PAX7: variants seen among roughly 807,000 people sequenced by gnomAD.
The protein encoded by PAX7 is paired box 7.
In PAX7, 18 loss-of-function variants were observed where a neutral mutation model predicts 50.7. That is an observed-to-expected ratio of 0.36 (90% confidence interval 0.25 to 0.53). The LOEUF (loss-of-function observed/expected upper bound fraction) is 0.53. Ranked by LOEUF, PAX7 falls within the 20% of genes least tolerant of loss-of-function variation. The pLI, the probability that PAX7 is intolerant of heterozygous loss-of-function variation, is 0.93. For missense variants in PAX7, 644 were observed against 702.9 expected (o/e 0.92, Z 0.95); for synonymous variants, 310 against 290.4 (o/e 1.07, Z -0.69).
intron 4 of PAX7, among the ~76,000 whole-genome samples, chr1:18,660,269 G>A (rs2088581648): frequency 6.6e-6 from 1 of 152,096 alleles, no homozygotes; most frequent in South Asian, 2.1e-4. Flanking sequence ...CCCTACCTGT[G>A]GAAGACAGGT....
rs143866115 is a variant in PAX7, at chr1:18,663,239, C to T, written c.586+26868C>T. Among the ~76,000 whole-genome samples, 30 of 152,312 alleles carry T rather than the reference C, an allele frequency of 2.0e-4. No individual in the cohort carries two copies. The East Asian group carries it at 5.8e-3, about 29-fold the overall frequency. ...AACCTGATGGTAGCTGAGCCCTGGG[C>T]TCATCACTTCCACCTGTTAACTGAG... On this transcript the variant is annotated intron_variant, in intron 4 of 8. Transcript: ENST00000420770.
At chr1:18,697,053 A>G (rs997214500) in intron 5 of PAX7, among the ~76,000 whole-genome samples, 5 of 152,126 alleles carry the variant, frequency 3.3e-5, no homozygotes, top group African/African-American at 1.2e-4. Context: ...ACAAAAACTA[A>G]AACTTAAAAA....
chr1:18,689,318 C>T (rs1268032067), intron 4 of PAX7, among the ~76,000 whole-genome samples: 1 of 152,202 alleles, frequency 6.6e-6, no homozygotes, highest in Non-Finnish European at 1.5e-5. Context: ...GCTCTGAGCC[C>T]CAGAAATGGT....
At chr1:18,642,441 G>C (rs2088270419) in intron 4 of PAX7, among the ~76,000 whole-genome samples, 1 of 152,186 alleles carries the variant, frequency 6.6e-6, no homozygotes, top group South Asian at 2.1e-4. Flanking sequence ...CCAAAGAAAG[G>C]TTCTCTAGAG....
chr1:18,724,649 A>G (rs1309231288), intron 7 of PAX7, among the ~76,000 whole-genome samples: 2 of 152,150 alleles, frequency 1.3e-5, no homozygotes, highest in Non-Finnish European at 2.9e-5. Flanking sequence ...TGCTAGAAAC[A>G]GAACCGACTC....
chr1:18,678,435 A>G (rs1397959629), intron 4 of PAX7, among the ~76,000 whole-genome samples: 5 of 152,150 alleles, frequency 3.3e-5, no homozygotes, highest in African/African-American at 1.2e-4. Context: ...AATGATAGGA[A>G]CTACAGAGCT....
At chr1:18,663,084 T>C (rs147075214) in intron 4 of PAX7, among the ~76,000 whole-genome samples, 27 of 152,280 alleles carry the variant, frequency 1.8e-4, no homozygotes, top group African/African-American at 6.0e-4. Flanking sequence ...TTTGACAAAG[T>C]GGGATTGTGC....
intron 4 of PAX7, among the ~76,000 whole-genome samples, chr1:18,645,925 G>A (rs934189001): frequency 6.6e-6 from 1 of 152,168 alleles, no homozygotes; most frequent in East Asian, 1.9e-4. Context: ...ACCTGGCAAG[G>A]CGCTTTCCCC....
chr1:18,707,325 T>A (rs1331702861), intron 7 of PAX7, among the ~76,000 whole-genome samples: 2 of 152,136 alleles, frequency 1.3e-5, no homozygotes, highest in African/African-American at 4.8e-5. Context: ...TTTACTTATA[T>A]TAATCCACTT....
chr1:18,747,699 A>G lies in PAX7; in HGVS notation c.*2770A>G. ...GAGCTGCTTCCTCCAACTTATCACA[A>G]GTCGCCGTTGGTCCTCTCTAAGGAG... On this transcript the variant is annotated 3_prime_UTR_variant, in exon 9 of 9. Transcript: ENST00000420770. The G allele has an allele frequency of 4.9e-6, 1 of 204,396 alleles. No individual in the cohort carries two copies. Among genetic ancestry groups the G allele is most frequent in the East Asian group, 7.4e-5 (1 of 13,492 alleles). 12.7% of individuals were successfully genotyped at this position (204,396 alleles called of 1,614,324 possible).
At chr1:18,644,384 T>C (rs2088306125) in intron 4 of PAX7, among the ~76,000 whole-genome samples, 1 of 152,042 alleles carries the variant, frequency 6.6e-6, no homozygotes, top group Admixed American at 6.6e-5. Flanking sequence ...CTCAGTTTCC[T>C]TCCATGAAAA....
At chr1:18,676,588 T>C (rs776258902) in intron 4 of PAX7, among the ~76,000 whole-genome samples, 3 of 151,794 alleles carry the variant, frequency 2.0e-5, no homozygotes, top group Non-Finnish European at 4.4e-5. Context: ...AAGAGGGGGA[T>C]TGGGGGATCC....
Position 18,634,631 on chromosome 1 carries a change from G to A in PAX7, c.321+93G>A. ...TCTTACTACCTCGTGGCACCAGGCT[G>A]TAGGAAAGTACAGCTGGAGGGTGTC... On this transcript the variant is annotated intron_variant, in intron 2 of 8. Transcript: ENST00000420770. The surrounding 1 kb of genome is among the most constrained non-coding windows in gnomAD (Gnocchi z 4.0). The A allele has an allele frequency of 1.0e-6, 1 of 976,760 alleles. No homozygotes were observed. Among genetic ancestry groups the A allele is most frequent in the Non-Finnish European group, 1.6e-6 (1 of 638,128 alleles). The allele number at this position is 976,760 out of a possible 1,614,324, so 60.5% of individuals were successfully genotyped here. A position where few individuals can be genotyped will look rare whatever the true frequency, so the allele number is the denominator to read the frequency against.
In PAX7 at chr1:18,631,499, AAAG is replaced by A. The variant is rs2088044920; in HGVS notation, c.-100_-98del. 2.0e-6 allele frequency: 2 copies of A among 985,046 alleles called. No homozygotes were observed. The highest frequency in any genetic ancestry group is 3.1e-6 in the Non-Finnish European group (2 of 636,096). 61.0% of individuals were successfully genotyped at this position (985,046 alleles called of 1,614,324 possible). ...GAGGGGAGGGAGAAGAGGTTAAAAA[AAAG>A]AAGACGAAGAAGACGGAAAGAAAGA... On this transcript the variant is annotated 5_prime_UTR_variant, in exon 1 of 9. Transcript: ENST00000420770.
chr1:18,662,993 T>C (rs1489311131), intron 4 of PAX7, among the ~76,000 whole-genome samples: 1 of 152,040 alleles, frequency 6.6e-6, no homozygotes. Context: ...CTCTCCAGAG[T>C]TAAATACAAT....
Position 18,636,383 on chromosome 1 carries a change from C to T in PAX7, c.586+12C>T, listed in dbSNP as rs1428142040. On this transcript the variant is annotated intron_variant, in intron 4 of 8. Coordinates refer to ENST00000420770, the MANE Select transcript of PAX7 (RefSeq NM_001135254.2). This position sits in a 1 kb window ranked among gnomAD's most constrained non-coding sequence, Gnocchi z 5.1. ...CCTGGGCGACAAAGGTAGGGAACTT[C>T]CCTGGGCTGCGAGGCCCCAGCCCGG... is the stretch of plus-strand genomic sequence containing the variant. 1.2e-6 allele frequency: 2 copies of T among 1,612,688 alleles called. No homozygotes were observed. Among genetic ancestry groups the T allele is most frequent in the Admixed American group, 1.7e-5 (1 of 59,936 alleles).
At chr1:18,687,841 G>A (rs1387639281) in intron 4 of PAX7, among the ~76,000 whole-genome samples, 2 of 152,066 alleles carry the variant, frequency 1.3e-5, no homozygotes, top group South Asian at 2.1e-4. Flanking sequence ...TCTGGGCTTC[G>A]GTCTGGGCAT....
At chr1:18,725,998 G>A (rs567908656) in intron 7 of PAX7, among the ~76,000 whole-genome samples, 395 of 142,278 alleles carry the variant, frequency 2.8e-3, no homozygotes, top group African/African-American at 9.0e-3. Flanking sequence ...GTGTGTGCGC[G>A]CGCGCGCGTG....
intron 7 of PAX7, among the ~76,000 whole-genome samples, chr1:18,724,167 G>A (rs898521432): frequency 2.6e-5 from 4 of 152,206 alleles, no homozygotes; most frequent in Admixed American, 6.5e-5. Context: ...ATTAAGCTTC[G>A]AAATTGAATT....
Sources: allele counts gnomAD v4.1 joint callset (sites outside exome capture counted in the v4.1 genomes callset), GRCh38; gene constraint gnomAD v4.1.1; non-coding constraint Gnocchi (gnomAD v3.1); transcripts MANE v1.5; gene names NCBI Gene and HGNC (gene_info 2026-07-23, HGNC 2026-07-21).